The following PXDNL variants were observed in gnomAD, a reference collection of about 807,000 sequenced individuals.
The protein encoded by PXDNL is probable oxidoreductase PXDNL.
A neutral mutation model predicts 150.8 loss-of-function variants in PXDNL; 145 were observed. The observed-to-expected ratio is 0.96, with a 90% CI of 0.84 to 1.10. The LOEUF (loss-of-function observed/expected upper bound fraction) is 1.10, where lower values mean the gene tolerates loss of function less well. Among genes scored for constraint, PXDNL ranks in the 50% least tolerant of loss-of-function variants. The pLI is 0.00. For synonymous variants in PXDNL, 757 were observed against 725.7 expected, an observed-to-expected ratio of 1.04 and a Z score of -0.69; for missense variants, 2,087 against 1,873.9, an observed-to-expected ratio of 1.11 and a Z score of -2.10.
intron 2 of PXDNL, among the ~76,000 whole-genome samples, chr8:51,638,394 A>C (rs1400971319): frequency 6.6e-6 from 1 of 152,202 alleles, no homozygotes; most frequent in African/African-American, 2.4e-5. Context: ...CAATTAAAAG[A>C]CACAGACTGG....
At chr8:51,799,195 C>T (rs1468567008) in intron 1 of PXDNL, among the ~76,000 whole-genome samples, 2 of 152,046 alleles carry the variant, frequency 1.3e-5, no homozygotes, top group East Asian at 1.9e-4. Flanking sequence ...AATGAGATCA[C>T]ATGGACACAA....
chr8:51,425,390 T>C (rs1254672481), intron 13 of PXDNL, among the ~76,000 whole-genome samples: 1 of 152,204 alleles, frequency 6.6e-6, no homozygotes. Flanking sequence ...GACGCTGAGA[T>C]AGTCTGCTGA....
intron 5 of PXDNL, among the ~76,000 whole-genome samples, chr8:51,488,014 A>G (rs1053829728): frequency 3.3e-5 from 5 of 152,354 alleles, no homozygotes; most frequent in East Asian, 3.9e-4. Context: ...TTAATAGGAT[A>G]ATTTTAGCAC....
intron 1 of PXDNL, among the ~76,000 whole-genome samples, chr8:51,749,184 C>T (rs974762724): frequency 2.0e-5 from 3 of 152,166 alleles, no homozygotes; most frequent in African/African-American, 7.2e-5. Context: ...GGAATGTCTG[C>T]AGATGATTAT....
At chr8:51,539,031 C>T (rs1440619916) in intron 4 of PXDNL, among the ~76,000 whole-genome samples, 2 of 152,094 alleles carry the variant, frequency 1.3e-5, no homozygotes, top group African/African-American at 4.8e-5. Flanking sequence ...TGTAAGCAGA[C>T]ATCTTTTCCT....
Position 51,641,971 on chromosome 8 carries a change from G to T in PXDNL, c.236+12718C>A, listed in dbSNP as rs930420782. On this transcript the variant is annotated intron_variant, in intron 2 of 22. Transcript: ENST00000356297. ...GGAACCAACCCAAATGTCCAACAAT[G>T]ATAGACTGGATTAAGAAAATGTGGC... Among the ~76,000 whole-genome samples the T allele has an allele frequency of 4.1e-4, 63 of 152,150 alleles. 2 individuals are homozygous for T. The highest frequency in any genetic ancestry group is 1.4e-3 in the African/African-American group (59 of 41,516).
At chr8:51,740,899 T>C (rs1414456062) in intron 1 of PXDNL, among the ~76,000 whole-genome samples, 1 of 152,202 alleles carries the variant, frequency 6.6e-6, no homozygotes, top group Non-Finnish European at 1.5e-5. Context: ...AATGTTCATC[T>C]GAGATACTGG....
intron 3 of PXDNL, among the ~76,000 whole-genome samples, chr8:51,574,303 G>C (rs779261605): frequency 6.6e-6 from 1 of 151,960 alleles, no homozygotes; most frequent in African/African-American, 2.4e-5. Context: ...TCAGTGGCAG[G>C]ATGGAGAGGA....
At chr8:51,400,829 T>A (rs1056000820) in intron 17 of PXDNL, among the ~76,000 whole-genome samples, 4 of 152,230 alleles carry the variant, frequency 2.6e-5, no homozygotes, top group Admixed American at 2.6e-4. Flanking sequence ...AGTTCATTGA[T>A]GCCACTCAAT....
rs181456149 is a variant in PXDNL at position 51,532,085 on chromosome 8, C to T, written c.380+24755G>A. Among the ~76,000 whole-genome samples the T allele has an allele frequency of 1.6e-4, 24 of 152,242 alleles. 1 individual carries two copies. The highest frequency in any genetic ancestry group is 7.2e-4 in the Admixed American group (11 of 15,302). ...TGAGGTTGCGGGTCTGGTCTGTCTA[C>T]GGTGCAGAATGCAGGTAAGTATGAC... On this transcript the variant is annotated intron_variant, in intron 4 of 22. Coordinates refer to ENST00000356297, the MANE Select transcript of PXDNL (RefSeq NM_144651.5).
chr8:51,767,270 C>A (rs1008241672), intron 1 of PXDNL, among the ~76,000 whole-genome samples: 7 of 151,984 alleles, frequency 4.6e-5, no homozygotes, highest in Middle Eastern at 6.9e-3. Flanking sequence ...CTCTCCCCCT[C>A]TTTCTTCTAC....
intron 17 of PXDNL, among the ~76,000 whole-genome samples, chr8:51,377,653 G>A (rs1586049923): frequency 6.6e-6 from 1 of 152,238 alleles, no homozygotes; most frequent in Non-Finnish European, 1.5e-5. Context: ...GAGGGGCTTA[G>A]CACCTGGGCC....
At chr8:51,321,067 T>C (rs1805300115) in intron 21 of PXDNL, 170 bp from the exon 22 acceptor site, 7 of 578,656 alleles carry the variant, frequency 1.2e-5, no homozygotes, top group Non-Finnish European at 1.8e-5. Flanking sequence ...TTAATGAGCT[T>C]GAATCATCCA....
chr8:51,325,019 C>T (rs1464979675), intron 21 of PXDNL, among the ~76,000 whole-genome samples: 2 of 152,136 alleles, frequency 1.3e-5, no homozygotes, highest in Admixed American at 1.3e-4. Context: ...GCATGCACCA[C>T]CACACCCGGC....
At chr8:51,696,725 C>CCTGACA (rs1816142475) in intron 1 of PXDNL, among the ~76,000 whole-genome samples, 1 of 125,042 alleles carries the variant, frequency 8.0e-6, no homozygotes, top group African/African-American at 3.2e-5. Context: ...TCACACACAT[C>CCTGACA]CACACACAGG....
At chr8:51,633,136 G>A (rs761285471) in intron 2 of PXDNL, among the ~76,000 whole-genome samples, 10 of 152,104 alleles carry the variant, frequency 6.6e-5, no homozygotes, top group Non-Finnish European at 1.2e-4. Flanking sequence ...ACTTACAAGT[G>A]AGAACACATG....
At chr8:51,739,362 A>C (rs1218162954) in intron 1 of PXDNL, among the ~76,000 whole-genome samples, 1 of 152,202 alleles carries the variant, frequency 6.6e-6, no homozygotes, top group Non-Finnish European at 1.5e-5. Flanking sequence ...TAAGATTAGA[A>C]ACAGGAGTGT....
chr8:51,510,611 G>C (rs1024216647), intron 4 of PXDNL, among the ~76,000 whole-genome samples: 6 of 152,200 alleles, frequency 3.9e-5, no homozygotes. Flanking sequence ...ATAGATTTTA[G>C]ATGAGATAAA....
At chr8:51,578,574 A>G (rs1396127963) in intron 3 of PXDNL, among the ~76,000 whole-genome samples, 1 of 151,966 alleles carries the variant, frequency 6.6e-6, no homozygotes, top group Non-Finnish European at 1.5e-5. Context: ...AATTTAAAAC[A>G]ATCTATAAAA....
Sources: gnomAD v4.1 joint callset for allele counts (sites outside exome capture counted in the v4.1 genomes callset) on GRCh38, gnomAD v4.1.1 for gene constraint, MANE v1.5 for transcripts, NCBI Gene and HGNC (gene_info 2026-07-23, HGNC 2026-07-21) for gene names.